PTPRD: variants seen among roughly 807,000 people sequenced by gnomAD.
PTPRD encodes receptor-type tyrosine-protein phosphatase delta.
PTPRD carries 34 observed loss-of-function variants against 214.5 expected under a neutral mutation model. The ratio of observed to expected loss-of-function variants is 0.16; its 90% CI spans 0.12 to 0.21. The LOEUF is 0.21. Ranked by LOEUF, PTPRD falls within the 10% of genes least tolerant of loss-of-function variation. The pLI is 1.00. For synonymous variants in PTPRD, 1,128 were observed against 845.7 expected, an observed-to-expected ratio of 1.33 and a Z score of -5.79; for missense variants, 2,545 against 2,398.7, an observed-to-expected ratio of 1.06 and a Z score of -1.27.
At chr9:8,451,271 G>C (rs923709322) in intron 33 of PTPRD, among the ~76,000 whole-genome samples, 6 of 152,134 alleles carry the variant, frequency 3.9e-5, no homozygotes, top group African/African-American at 1.4e-4. Flanking sequence ...CGGTACCTTA[G>C]ATTAACCTGT....
chr9:8,842,000 G>T (rs1292764471), intron 11 of PTPRD, among the ~76,000 whole-genome samples: 1 of 107,632 alleles, frequency 9.3e-6, no homozygotes, highest in African/African-American at 4.3e-5. Flanking sequence ...AATAGAGCGA[G>T]ACACAGTCTC....
At chr9:9,929,794 T>A (rs892605754) in intron 5 of PTPRD, among the ~76,000 whole-genome samples, 3 of 151,850 alleles carry the variant, frequency 2.0e-5, no homozygotes, top group Non-Finnish European at 4.4e-5. Flanking sequence ...AAAAGTTACA[T>A]AGAGCTATGT....
chr9:9,167,210 A>AT (rs147532272), intron 10 of PTPRD, among the ~76,000 whole-genome samples: 7 of 151,510 alleles, frequency 4.6e-5, no homozygotes, highest in South Asian at 2.1e-4. Context: ...ATCAGATTGC[A>AT]TTTTTTTTCT....
chr9:9,262,331 A>G (rs2132206521), intron 9 of PTPRD, among the ~76,000 whole-genome samples: 1 of 150,870 alleles, frequency 6.6e-6, no homozygotes, highest in East Asian at 2.0e-4. Context: ...CTGGTATGCT[A>G]AAAATAGTAC....
chr9:9,225,136 G>GT (rs1474028910), intron 9 of PTPRD, among the ~76,000 whole-genome samples: 1 of 151,968 alleles, frequency 6.6e-6, no homozygotes, highest in Non-Finnish European at 1.5e-5. Flanking sequence ...AAAGTACATA[G>GT]TTTTATTAAA....
chr9:8,357,412 G>C (rs1309985315), intron 39 of PTPRD, among the ~76,000 whole-genome samples: 2 of 152,116 alleles, frequency 1.3e-5, no homozygotes, highest in African/African-American at 2.4e-5. Flanking sequence ...ATGGAGTCTA[G>C]GCCTATTTGG....
chr9:8,422,147 CAAAAAAAAAA>C lies in PTPRD; in HGVS notation c.4086+14435_4086+14444del, dbSNP rs768623202. On this transcript the variant is annotated intron_variant, in intron 35 of 45. Transcript: ENST00000381196. The stretch of plus-strand genomic sequence containing the variant: ...GGGTGAAAGAGAGAGACCCTGTCTC[CAAAAAAAAAA>C]AAAAAAAAAAAAAAAAAAGGTAAAT... Among the ~76,000 whole-genome samples the C allele has an allele frequency of 2.8e-3, 96 of 33,990 alleles. 1 individual carries two copies. The East Asian group carries it at 0.046, about 16-fold the overall frequency. 22.3% of individuals were successfully genotyped at this position (33,990 alleles called of 152,430 possible).
intron 26 of PTPRD, among the ~76,000 whole-genome samples, chr9:8,494,031 C>T (rs1270874019): frequency 6.7e-6 from 1 of 150,048 alleles, no homozygotes; most frequent in African/African-American, 2.4e-5. Context: ...CACACACACA[C>T]ACACACACAG....
At chr9:8,602,220 A>G (rs1423607441) in intron 14 of PTPRD, among the ~76,000 whole-genome samples, 1 of 152,220 alleles carries the variant, frequency 6.6e-6, no homozygotes, top group Non-Finnish European at 1.5e-5. Flanking sequence ...ATAGTTCTAA[A>G]TAGAAAACTG....
chr9:9,054,476 G>T (rs1465188818), intron 10 of PTPRD, among the ~76,000 whole-genome samples: 2 of 152,094 alleles, frequency 1.3e-5, no homozygotes, highest in African/African-American at 4.8e-5. Context: ...TAATATTTAT[G>T]ATGATTCCTA....
At chr9:9,963,195 A>T (rs1403794718) in intron 4 of PTPRD, among the ~76,000 whole-genome samples, 2 of 152,106 alleles carry the variant, frequency 1.3e-5, no homozygotes, top group Non-Finnish European at 2.9e-5. Flanking sequence ...ACTGAGATTT[A>T]AAAAATCCTT....
At chr9:9,692,277 A>C (rs1340502538) in intron 7 of PTPRD, among the ~76,000 whole-genome samples, 1 of 151,952 alleles carries the variant, frequency 6.6e-6, no homozygotes, top group Non-Finnish European at 1.5e-5. Flanking sequence ...TTATGTCTGT[A>C]ATCCACTTTT....
chr9:8,551,617 T>A (rs1213522222), intron 14 of PTPRD, among the ~76,000 whole-genome samples: 1 of 152,214 alleles, frequency 6.6e-6, no homozygotes, highest in Non-Finnish European at 1.5e-5. Context: ...TTACAACCTG[T>A]GTGGGAAATA....
At chr9:8,465,421 G>C in intron 32 of PTPRD, 45 bp downstream of exon 32, 1 of 1,546,622 alleles carries the variant, frequency 6.5e-7, no homozygotes. Context: ...CAGTGAAAAT[G>C]TATAAGCGTA....
chr9:8,885,031 A>G (rs528779410), intron 11 of PTPRD, among the ~76,000 whole-genome samples: 7 of 152,362 alleles, frequency 4.6e-5, no homozygotes, highest in South Asian at 4.1e-4. Flanking sequence ...GATGGAATCA[A>G]TTAGCATGAC....
intron 3 of PTPRD, among the ~76,000 whole-genome samples, chr9:10,138,424 C>A (rs1016488616): frequency 1.3e-5 from 2 of 151,636 alleles, no homozygotes; most frequent in Non-Finnish European, 2.9e-5. Flanking sequence ...ACAAAACAAA[C>A]AAACAAACAA....
intron 11 of PTPRD, among the ~76,000 whole-genome samples, chr9:8,764,900 T>C (rs547409293): frequency 3.3e-5 from 5 of 152,124 alleles, no homozygotes; most frequent in Admixed American, 2.6e-4. Context: ...ATTTAATAAT[T>C]AAACACATCT....
intron 11 of PTPRD, among the ~76,000 whole-genome samples, chr9:8,798,077 T>C (rs2096485495): frequency 6.6e-6 from 1 of 152,150 alleles, no homozygotes; most frequent in Admixed American, 6.6e-5. Context: ...TTCTACCCTA[T>C]ATGCTTTATA....
intron 14 of PTPRD, among the ~76,000 whole-genome samples, chr9:8,546,959 C>T (rs1037893876): frequency 6.6e-6 from 1 of 152,104 alleles, no homozygotes; most frequent in African/African-American, 2.4e-5. Context: ...TGGCATGGAC[C>T]GTATGCACGT....
Sources: gnomAD v4.1 joint callset for allele counts (sites outside exome capture counted in the v4.1 genomes callset) on GRCh38, gnomAD v4.1.1 for gene constraint, MANE v1.5 for transcripts, NCBI Gene and HGNC (gene_info 2026-07-23, HGNC 2026-07-21) for gene names.